DNAJC27: variants seen among roughly 807,000 people sequenced by gnomAD.
DNAJC27 encodes the protein DnaJ heat shock protein family (Hsp40) member C27, also known as dnaJ homolog subfamily C member 27.
In DNAJC27, 25 loss-of-function variants were observed where a neutral mutation model predicts 31.4. The ratio of observed to expected loss-of-function variants is 0.80; its 90% CI spans 0.58 to 1.11. The LOEUF (loss-of-function observed/expected upper bound fraction) is 1.11, where lower values mean the gene tolerates loss of function less well. Ranked by LOEUF, DNAJC27 falls within the 50% of genes most tolerant of loss-of-function variation. The pLI is 0.00. For missense variants in DNAJC27, 356 were observed against 347.3 expected (o/e 1.02, Z -0.20); for synonymous variants, 106 against 112.7 (o/e 0.94, Z 0.37).
Position 24,945,384 on chromosome 2 carries a change from G to A in DNAJC27, c.*2232C>T, listed in dbSNP as rs1159806169. The A allele has an allele frequency of 1.3e-5, 2 of 152,172 alleles. No individual in the cohort carries two copies. Among genetic ancestry groups the A allele is most frequent in the African/African-American group, 2.4e-5 (1 of 41,436 alleles). 9.4% of individuals were successfully genotyped at this position (152,172 alleles called of 1,614,324 possible). Reference sequence around the variant, plus strand: ...TAAGGATATGAGTGGGAGCACTAATGAATTTTCTCTGCTGTAATTGCTCAT... The same window carrying A: ...TAAGGATATGAGTGGGAGCACTAATAAATTTTCTCTGCTGTAATTGCTCAT... On this transcript the variant is annotated 3_prime_UTR_variant, in exon 7 of 7. Coordinates refer to ENST00000264711, the MANE Select transcript of DNAJC27 (RefSeq NM_016544.3).
chr2:24,959,630 G>C (rs1323133850), intron 3 of DNAJC27, among the ~76,000 whole-genome samples: 2 of 152,144 alleles, frequency 1.3e-5, no homozygotes, highest in Admixed American at 6.5e-5. Context: ...CTTCAAACTG[G>C]GGAATCTCTC....
At chr2:24,955,621 A>G (rs72849335) in intron 5 of DNAJC27, among the ~76,000 whole-genome samples, 19,344 of 152,238 alleles carry the variant, frequency 0.13, 2,805 homozygotes, top group African/African-American at 0.36. Flanking sequence ...ACATCTTGGC[A>G]CATCATATTC....
chr2:24,966,981 C>G lies in DNAJC27; in HGVS notation c.170+230G>C, dbSNP rs569158341. Among the ~76,000 whole-genome samples, 8 of 152,320 alleles carry G rather than the reference C, an allele frequency of 5.3e-5. No individual in the cohort carries two copies. In the East Asian group the frequency reaches 1.4e-3, roughly 26 times the overall value. ...GACATGTTCATTGCTGTAGCCTACACCTAACACGAGGCCTGGTGAATGGGA... is the reference window on the plus strand; with the variant it reads ...GACATGTTCATTGCTGTAGCCTACAGCTAACACGAGGCCTGGTGAATGGGA... On this transcript the variant is annotated intron_variant, in intron 2 of 6. Coordinates refer to ENST00000264711, the MANE Select transcript of DNAJC27 (RefSeq NM_016544.3).
chr2:24,970,443 T>C (rs552843297), intron 1 of DNAJC27, among the ~76,000 whole-genome samples: 58 of 151,664 alleles, frequency 3.8e-4, no homozygotes, highest in Non-Finnish European at 6.3e-4. Flanking sequence ...GTTGTATCAT[T>C]AGGCACAGTA....
In DNAJC27 at chr2:24,945,085, T is replaced by C. The variant is rs1167920473; in HGVS notation, c.*2531A>G. The C allele has an allele frequency of 1.3e-5, 2 of 152,214 alleles. No homozygotes were observed. The highest frequency in any genetic ancestry group is 6.5e-5 in the Admixed American group (1 of 15,278). The allele number at this position is 152,214 out of a possible 1,614,324, so 9.4% of individuals were successfully genotyped here. ...ACAAAGCACACATTTGCACCAAGAA[T>C]TTAAATTAATGCATAGATGTCTGTG... On this transcript the variant is annotated 3_prime_UTR_variant, in exon 7 of 7. Transcript: ENST00000264711.
chr2:24,947,670 A>C lies in DNAJC27; in HGVS notation c.768T>G (p.Asp256Glu). 1 of 1,613,268 alleles carries C rather than the reference A, an allele frequency of 6.2e-7. No homozygotes were observed. Residue 256 changes from aspartate to glutamate, a missense_variant, in exon 7 of 7, where the codon GAT becomes GAG. Asp to Glu is a conservative substitution (Grantham distance 45). Transcript: ENST00000264711. ...PDKCVAPGSE[D>E]AFKAVVNART... is the part of the protein sequence containing the mutation. ...GAGCATTCACAACTGCTTTGAAGGC[A>C]TCTTCACTGCCAGGTGCTACACATT...
At position 24,946,013 on chromosome 2, in the gene DNAJC27, G is replaced by T. The variant is rs576664475; in HGVS notation, c.*1603C>A. 6.6e-6 allele frequency: 1 copy of T among 152,230 alleles called. No homozygotes were observed. The highest frequency in any genetic ancestry group is 2.4e-5 in the African/African-American group (1 of 41,460). 9.4% of individuals were successfully genotyped at this position (152,230 alleles called of 1,614,324 possible). ...CAAGCCCCAATTAGTACAGCTAATT[G>T]AAAGTATATAAAAATGTGAATTAGT... On this transcript the variant is annotated 3_prime_UTR_variant, in exon 7 of 7. Coordinates refer to ENST00000264711, the MANE Select transcript of DNAJC27 (RefSeq NM_016544.3).
chr2:24,962,881 A>C (rs1026011679), intron 3 of DNAJC27, among the ~76,000 whole-genome samples: 1 of 152,218 alleles, frequency 6.6e-6, no homozygotes, highest in Non-Finnish European at 1.5e-5. Flanking sequence ...CCTTAAGAAA[A>C]ATGAAAAAGC....
Position 24,947,689 on chromosome 2 carries a change from A to C in DNAJC27, c.749T>G (p.Val250Gly). 7 of 1,613,876 alleles carry C rather than the reference A, an allele frequency of 4.3e-6. No homozygotes were observed. The highest frequency in any genetic ancestry group is 5.9e-6 in the Non-Finnish European group (7 of 1,179,740). ...LAVLLHPDKCVAPGSEDAFKA... is the reference protein window; with the variant it reads ...LAVLLHPDKCGAPGSEDAFKA... ...GAAGGCATCTTCACTGCCAGGTGCT[A>C]CACATTTGTCAGGGTGAAGAAGCAC... Residue 250 changes from valine (V) to glycine (G), a missense_variant, in exon 7 of 7, where the codon GTA becomes GGA. Val to Gly is a moderately radical substitution (Grantham distance 109). Transcript: ENST00000264711.
At chr2:24,957,290 T>C (rs1665930446) in intron 4 of DNAJC27, 125 bp from the exon 5 acceptor site, 1 of 1,065,202 alleles carries the variant, frequency 9.4e-7, no homozygotes, top group South Asian at 1.9e-5. Flanking sequence ...CCTGCACTAG[T>C]GTGTAAAATT....
In DNAJC27 at chr2:24,945,988, C is replaced by CA. The variant is rs1665639547; in HGVS notation, c.*1627dup. On this transcript the variant is annotated 3_prime_UTR_variant, in exon 7 of 7. Coordinates refer to ENST00000264711, the MANE Select transcript of DNAJC27 (RefSeq NM_016544.3). ...AGGACAGGAAGATTTTATATACTTT[C>CA]AAGCCCCAATTAGTACAGCTAATTG... 2 of 152,296 alleles carry CA rather than the reference C, an allele frequency of 1.3e-5. No homozygotes were observed. The highest frequency in any genetic ancestry group is 4.1e-4 in the South Asian group (2 of 4,826). The allele number at this position is 152,296 out of a possible 1,614,324, so 9.4% of individuals were successfully genotyped here.
At chr2:24,967,833 C>T (rs1666228222) in intron 1 of DNAJC27, among the ~76,000 whole-genome samples, 1 of 152,022 alleles carries the variant, frequency 6.6e-6, no homozygotes, top group Non-Finnish European at 1.5e-5. Context: ...ATCCTGTGCT[C>T]TTTTCTTCTG....
Position 24,957,945 on chromosome 2 carries a change from C to T in DNAJC27, c.270G>A (p.Gln90=), listed in dbSNP as rs1665948119. The stretch of plus-strand genomic sequence containing the variant: ...CAACATCATAGACCAGTATCACACC[C>T]TGTGTGTCCTTGTAAAACTCATTTC... The part of the protein sequence containing the change: ...EVRNEFYKDT[Q]GVILVYDVGQ... The change falls in exon 4 of 7, where the codon CAG becomes CAA. Residue 90 remains glutamine, a synonymous_variant. Transcript: ENST00000264711. The T allele has an allele frequency of 1.9e-6, 3 of 1,612,352 alleles. No individual in the cohort carries two copies. Among genetic ancestry groups the T allele is most frequent in the Non-Finnish European group, 2.5e-6 (3 of 1,179,516 alleles).
At position 24,959,343 on chromosome 2, in the gene DNAJC27, A is replaced by C. The variant is rs111964653; in HGVS notation, c.241-1369T>G. On this transcript the variant is annotated intron_variant, in intron 3 of 6. Transcript: ENST00000264711. ...CCTTTCGTTTTGAATCCTTCCTCCC[A>C]AATCAGCAACATCAACCACTTGTAC... 1.7e-3 allele frequency among the ~76,000 whole-genome samples: 264 copies of C among 152,208 alleles called. 3 individuals are homozygous for C. Among genetic ancestry groups the C allele is most frequent in the African/African-American group, 5.7e-3 (235 of 41,530 alleles).
chr2:24,972,010 C>G, upstream of DNAJC27: 1 of 816,704 alleles, frequency 1.2e-6, no homozygotes, highest in Non-Finnish European at 1.8e-6. Flanking sequence ...CTCGTCACCG[C>G]CTCGCCTCCG....
At position 24,960,054 on chromosome 2, in the gene DNAJC27, G is replaced by A. The variant is rs1334203390; in HGVS notation, c.241-2080C>T. ...CTTTATTGCACAGTATGTACATATT[G>A]TGTTTTTTTACAAAGTGAAGATCTG... On this transcript the variant is annotated intron_variant, in intron 3 of 6. Transcript: ENST00000264711. Among the ~76,000 whole-genome samples, 6 of 152,150 alleles carry A rather than the reference G, an allele frequency of 3.9e-5. No individual in the cohort carries two copies. In the East Asian group the frequency reaches 7.7e-4, roughly 19 times the overall value.
intron 1 of DNAJC27, among the ~76,000 whole-genome samples, chr2:24,970,753 A>T (rs1259435296): frequency 2.6e-5 from 4 of 151,838 alleles, no homozygotes; most frequent in Admixed American, 2.6e-4. Context: ...TAGCGTGCCC[A>T]GTCCCTAGAA....
intron 2 of DNAJC27, among the ~76,000 whole-genome samples, chr2:24,964,785 A>G (rs1263612511): frequency 6.6e-6 from 1 of 152,184 alleles, no homozygotes; most frequent in African/African-American, 2.4e-5. Context: ...TAATTCTCAC[A>G]TCTTAGATAA....
At position 24,951,506 on chromosome 2, in the gene DNAJC27, G is replaced by T; in HGVS notation, c.577C>A (p.Pro193Thr). ...VDLCENGGKR[P>T]TTNSSASFTK... ...AAACTAGCACTGCTATTGGTGGTAGGGCGTTTCCCGCCATTTTCACATAAA... is the reference window on the plus strand; with the variant it reads ...AAACTAGCACTGCTATTGGTGGTAGTGCGTTTCCCGCCATTTTCACATAAA... The change falls in exon 6 of 7, where the codon CCT becomes ACT. Residue 193 changes from proline to threonine, a missense_variant. Coordinates refer to ENST00000264711, the MANE Select transcript of DNAJC27 (RefSeq NM_016544.3). 1 of 1,613,232 alleles carries T rather than the reference G, an allele frequency of 6.2e-7. No individual in the cohort carries two copies. The highest frequency in any genetic ancestry group is 1.1e-5 in the South Asian group (1 of 90,854).
Sources: allele counts gnomAD v4.1 joint callset (sites outside exome capture counted in the v4.1 genomes callset), GRCh38; gene constraint gnomAD v4.1.1; transcripts MANE v1.5; gene names NCBI Gene and HGNC (gene_info 2026-07-23, HGNC 2026-07-21).